SMIM41: variants seen among roughly 807,000 people sequenced by gnomAD.
The protein encoded by SMIM41 is small integral membrane protein 41.
At position 52,079,711 on chromosome 12, in the gene SMIM41, G is replaced by T. The variant is rs776746644; in HGVS notation, c.-69G>T. 4 of 388,884 alleles carry T rather than the reference G, an allele frequency of 1.0e-5. No homozygotes were observed. Among genetic ancestry groups the T allele is most frequent in the Non-Finnish European group, 1.8e-5 (4 of 219,944 alleles). 24.1% of individuals were successfully genotyped at this position (388,884 alleles called of 1,614,324 possible). The stretch of plus-strand genomic sequence containing the variant: ...GGTTCCCTCCCCGACGCAGCCGCCG[G>T]CCCGCCCGCCAGTCTGGGCTCCTGC... On this transcript the variant is annotated 5_prime_UTR_variant, in exon 1 of 3. Transcript: ENST00000546390.
chr12:52,091,827 G>A (rs1352785334), intron 2 of SMIM41, among the ~76,000 whole-genome samples: 7 of 152,214 alleles, frequency 4.6e-5, no homozygotes, highest in Admixed American at 2.0e-4. Flanking sequence ...TGCTGCTGGC[G>A]TGAACAGAAG....
At chr12:52,085,006 C>T (rs927929856) in intron 2 of SMIM41, among the ~76,000 whole-genome samples, 8 of 151,966 alleles carry the variant, frequency 5.3e-5, no homozygotes, top group Admixed American at 3.3e-4. Flanking sequence ...GAGGGGAGGA[C>T]GATGTTCTGG....
intron 1 of SMIM41, among the ~76,000 whole-genome samples, 184 bp downstream of exon 1, chr12:52,080,365 G>T (rs1431917612): frequency 6.6e-6 from 1 of 152,198 alleles, no homozygotes; most frequent in Non-Finnish European, 1.5e-5. Context: ...ACCCAGGTGT[G>T]CGGGATCAGG....
At position 52,107,726 on chromosome 12, in the gene SMIM41, A is replaced by G. The variant is rs1940369793; in HGVS notation, c.*543A>G. The G allele has an allele frequency of 4.4e-6, 2 of 452,334 alleles. No homozygotes were observed. The highest frequency in any genetic ancestry group is 8.7e-6 in the Non-Finnish European group (2 of 230,844). The allele number at this position is 452,334 out of a possible 1,614,324, so 28.0% of individuals were successfully genotyped here. On this transcript the variant is annotated 3_prime_UTR_variant, in exon 3 of 3. Transcript: ENST00000546390. The stretch of plus-strand genomic sequence containing the variant: ...TTTGTAGCCATCTGTCACCCTCTAT[A>G]TCATTCAGCCATCATGAACCTGTGT...
chr12:52,087,431 C>G (rs1435166272), intron 2 of SMIM41, among the ~76,000 whole-genome samples: 7 of 152,242 alleles, frequency 4.6e-5, no homozygotes, highest in Admixed American at 2.6e-4. Context: ...GTTTATGTCT[C>G]CATCCTCTTC....
chr12:52,103,981 T>C (rs1370755105), intron 2 of SMIM41, among the ~76,000 whole-genome samples: 1 of 152,198 alleles, frequency 6.6e-6, no homozygotes, highest in Non-Finnish European at 1.5e-5. Context: ...CTTAATGTCA[T>C]TAAACTGTAA....
chr12:52,100,938 T>G (rs1218629632), intron 2 of SMIM41, among the ~76,000 whole-genome samples: 1 of 152,194 alleles, frequency 6.6e-6, no homozygotes, highest in Non-Finnish European at 1.5e-5. Context: ...AAATATTTGC[T>G]TTTTAGAAAT....
intron 2 of SMIM41, among the ~76,000 whole-genome samples, chr12:52,103,576 T>A (rs1408545123): frequency 6.6e-6 from 1 of 151,800 alleles, no homozygotes; most frequent in Non-Finnish European, 1.5e-5. Flanking sequence ...CTGGCCAATA[T>A]GGTGAAAGCT....
At chr12:52,082,417 T>A (rs1939831411) in intron 1 of SMIM41, among the ~76,000 whole-genome samples, 1 of 151,978 alleles carries the variant, frequency 6.6e-6, no homozygotes. Context: ...CTGAGTCCAG[T>A]GCTTGGAGGG....
intron 2 of SMIM41, among the ~76,000 whole-genome samples, chr12:52,095,952 C>T (rs1269782270): frequency 6.6e-6 from 1 of 151,938 alleles, no homozygotes; most frequent in Non-Finnish European, 1.5e-5. Flanking sequence ...TCAACCTCTC[C>T]GCCTTTGAAT....
intron 2 of SMIM41, among the ~76,000 whole-genome samples, chr12:52,092,963 C>T (rs1041455728): frequency 6.6e-6 from 1 of 152,064 alleles, no homozygotes; most frequent in Non-Finnish European, 1.5e-5. Context: ...GGGCAGATCA[C>T]GAGGTCAGGA....
intron 2 of SMIM41, among the ~76,000 whole-genome samples, chr12:52,102,753 T>G (rs1940243548): frequency 6.6e-6 from 1 of 152,124 alleles, no homozygotes; most frequent in Non-Finnish European, 1.5e-5. Context: ...CGAATATGAT[T>G]GGAGGGAATG....
chr12:52,101,220 C>A (rs190064949), intron 2 of SMIM41, among the ~76,000 whole-genome samples: 1 of 152,100 alleles, frequency 6.6e-6, no homozygotes, highest in African/African-American at 2.4e-5. Flanking sequence ...GCCAGGAGTT[C>A]GAGACCCTCC....
At chr12:52,099,113 C>A (rs951457320) in intron 2 of SMIM41, among the ~76,000 whole-genome samples, 1 of 151,952 alleles carries the variant, frequency 6.6e-6, no homozygotes, top group African/African-American at 2.4e-5. Context: ...AAGAGTTTCA[C>A]AGGGATGTGT....
At chr12:52,088,950 C>T (rs866351656) in intron 2 of SMIM41, among the ~76,000 whole-genome samples, 5 of 151,842 alleles carry the variant, frequency 3.3e-5, no homozygotes, top group Non-Finnish European at 4.4e-5. Context: ...TGCCAGGCAC[C>T]GAGTCTTCAG....
intron 1 of SMIM41, among the ~76,000 whole-genome samples, chr12:52,083,593 C>T (rs1208828874): frequency 3.3e-5 from 5 of 152,194 alleles, no homozygotes; most frequent in Non-Finnish European, 7.3e-5. Flanking sequence ...CGGCTGCCCC[C>T]CTGTGGCCAG....
chr12:52,089,549 G>A (rs754216939), intron 2 of SMIM41, among the ~76,000 whole-genome samples: 3 of 152,138 alleles, frequency 2.0e-5, no homozygotes, highest in African/African-American at 7.2e-5. Context: ...AGCCATGATT[G>A]TGCCATGCAC....
At chr12:52,089,593 T>C (rs1343530221) in intron 2 of SMIM41, among the ~76,000 whole-genome samples, 1 of 117,216 alleles carries the variant, frequency 8.5e-6, no homozygotes, top group Non-Finnish European at 1.7e-5. Context: ...ACCCCCGCCT[T>C]CAAAAAAACA....
At chr12:52,101,909 T>C (rs7310888) in intron 2 of SMIM41, among the ~76,000 whole-genome samples, 15,353 of 148,718 alleles carry the variant, frequency 0.1, 1,330 homozygotes, top group African/African-American at 0.25. Context: ...ACGGGGGTTT[T>C]TCCCTGTCGG....
Sources: allele counts gnomAD v4.1 joint callset (sites outside exome capture counted in the v4.1 genomes callset), GRCh38; gene constraint gnomAD v4.1.1; transcripts MANE v1.5; gene names NCBI Gene and HGNC (gene_info 2026-07-23, HGNC 2026-07-21).